The following MYH7B variants were observed in gnomAD, a reference collection of about 807,000 sequenced individuals.
MYH7B encodes myosin-7B.
MYH7B carries 205 observed loss-of-function variants against 234.5 expected under a neutral mutation model. The observed-to-expected ratio is 0.87, with a 90% confidence interval of 0.78 to 0.98. The LOEUF (loss-of-function observed/expected upper bound fraction) is 0.98. MYH7B is among the 50% of genes least tolerant of loss of function. MYH7B has a pLI of 0.00. For synonymous variants in MYH7B, 1,193 were observed against 1,105.0 expected, an observed-to-expected ratio of 1.08 and a Z score of -1.58; for missense variants, 2,652 against 2,633.4, an observed-to-expected ratio of 1.01 and a Z score of -0.15.
At chr20:35,002,152 C>T (rs756426127) in intron 44 of MYH7B, 25 bp from the exon 45 acceptor site, 2 of 1,593,372 alleles carry the variant, frequency 1.3e-6, no homozygotes, top group Non-Finnish European at 1.7e-6. Context: ...TAGTACTGCT[C>T]ACTCAGCTAT....
intron 24 of MYH7B, 67 bp downstream of exon 24, chr20:34,991,188 T>G (rs2082141857): frequency 1.8e-6 from 2 of 1,126,120 alleles, no homozygotes; most frequent in Admixed American, 2.2e-5. Context: ...AGGACACACA[T>G]ATCAGAGCCC....
intron 14 of MYH7B, 22 bp from the exon 15 acceptor site, chr20:34,986,864 C>T (rs921804092): frequency 6.9e-6 from 11 of 1,598,674 alleles, no homozygotes; most frequent in African/African-American, 2.7e-5. Context: ...CTGACCCTCC[C>T]TTCTCTGCCC....
At chr20:34,998,170 C>A in intron 32 of MYH7B, 125 bp from the exon 33 acceptor site, 1 of 1,166,466 alleles carries the variant, frequency 8.6e-7, no homozygotes, top group Non-Finnish European at 1.2e-6. Flanking sequence ...TGGGGCTCTG[C>A]TCTCCCTTTG....
At chr20:34,998,952 G>A in intron 35 of MYH7B, 37 bp downstream of exon 35, 4 of 1,597,978 alleles carry the variant, frequency 2.5e-6, no homozygotes, top group South Asian at 1.1e-5. Context: ...GCCATGCAGA[G>A]CTTTATGCCT....
exon 42 of MYH7B, chr20:35,001,301 T>G: frequency 6.2e-7 from 1 of 1,612,962 alleles, no homozygotes; most frequent in Non-Finnish European, 8.5e-7. Flanking sequence ...CCGAGGCCCT[T>G]AAGGGCGTGC....
At chr20:34,957,203 G>C (rs1312237641) in intron 1 of MYH7B, among the ~76,000 whole-genome samples, 1 of 152,224 alleles carries the variant, frequency 6.6e-6, no homozygotes, top group Non-Finnish European at 1.5e-5. Flanking sequence ...GGTAGCCTCA[G>C]ACGCCAGTTC....
chr20:34,980,636 C>T (rs2081927278), exon 8 of MYH7B: 2 of 1,614,196 alleles, frequency 1.2e-6, no homozygotes, highest in Non-Finnish European at 8.5e-7. Context: ...CCAGTCTATA[C>T]GGCCTCCGTA....
intron 2 of MYH7B, among the ~76,000 whole-genome samples, chr20:34,962,312 G>A (rs2081705562): frequency 6.6e-6 from 1 of 152,172 alleles, no homozygotes; most frequent in Admixed American, 6.6e-5. Context: ...AGATACCTAG[G>A]AGTGGAATTG....
chr20:34,963,957 A>T (rs936564151), intron 2 of MYH7B, among the ~76,000 whole-genome samples: 1 of 152,172 alleles, frequency 6.6e-6, no homozygotes, highest in Non-Finnish European at 1.5e-5. Flanking sequence ...ACTGCTCTAT[A>T]GGTTTCATTG....
exon 13 of MYH7B, chr20:34,985,097 C>T: frequency 1.2e-6 from 2 of 1,614,104 alleles, no homozygotes; most frequent in Admixed American, 1.7e-5. Context: ...TTTGGTCCCT[C>T]TGGGAAGCTG....
At chr20:34,969,367 A>G (rs1056595563) in intron 2 of MYH7B, among the ~76,000 whole-genome samples, 3 of 151,832 alleles carry the variant, frequency 2.0e-5, no homozygotes, top group South Asian at 2.1e-4. Flanking sequence ...TTTACAAGGG[A>G]AAAAAAATCA....
chr20:35,000,467 G>T lies in MYH7B; in HGVS notation c.4956G>T (p.Leu1652=), dbSNP rs1236265940. The change falls in exon 39 of 45, where the codon CTG becomes CTT. Residue 1652 remains leucine (L), a synonymous_variant. Coordinates refer to ENST00000262873, the Ensembl canonical transcript of MYH7B. ...CAGAGGCCCAGGCTGCCACGCGGCT[G>T]ATGCAGGCACAGCTCAAGGAGGAGC... 3 of 1,601,936 alleles carry T rather than the reference G, an allele frequency of 1.9e-6. No homozygotes were observed. The African/African-American group carries it at 4.0e-5, about 21-fold the overall frequency.
intron 19 of MYH7B, 136 bp from the exon 20 acceptor site, chr20:34,989,604 T>C: frequency 4.6e-6 from 4 of 870,422 alleles, no homozygotes; most frequent in Non-Finnish European, 6.9e-6. Flanking sequence ...GTGTGGTGTC[T>C]GACCATCCGG....
intron 10 of MYH7B, 120 bp from the exon 11 acceptor site, chr20:34,984,569 ATTC>A: frequency 1.2e-6 from 1 of 829,356 alleles, no homozygotes; most frequent in South Asian, 1.5e-5. Context: ...GGGGCCATGC[ATTC>A]CGGTGACTAA....
At chr20:35,000,933 T>C (rs773536305) in intron 40 of MYH7B, 40 bp downstream of exon 40, 24 of 1,611,100 alleles carry the variant, frequency 1.5e-5, no homozygotes, top group Admixed American at 5.0e-5. Context: ...TGGGACAGAA[T>C]TGCAGAGGGA....
chr20:34,990,016 G>A (rs1026729545), exon 21 of MYH7B: 18 of 1,613,964 alleles, frequency 1.1e-5, no homozygotes, highest in Non-Finnish European at 1.4e-5. Context: ...CTCTCCAGGT[G>A]CCTTACAGCA....
chr20:34,997,388 G>A lies in MYH7B; in HGVS notation c.3495G>A (p.Ala1165=), dbSNP rs765482947. ...TGGAGGAGGCAGGCGGCGCATCCGC[G>A]GGGCAGCGCGAGGGCTGCCGCAAGC... The change falls in exon 32 of 45, where the codon GCG becomes GCA. Residue 1165 remains alanine (A), a synonymous_variant. Coordinates refer to ENST00000262873, the Ensembl canonical transcript of MYH7B. 5.8e-5 allele frequency: 87 copies of A among 1,511,090 alleles called. No homozygotes were observed. Among genetic ancestry groups the A allele is most frequent in the Non-Finnish European group, 1.9e-5 (22 of 1,136,842 alleles). The allele number at this position is 1,511,090 out of a possible 1,614,324, so 93.6% of individuals were successfully genotyped here.
chr20:34,990,786 T>A (rs1569049489), exon 23 of MYH7B: 1 of 1,614,092 alleles, frequency 6.2e-7, no homozygotes. Flanking sequence ...ACAGCCCCAC[T>A]TCGTCCGCTG....
rs1449801668 is a variant in MYH7B, at chr20:35,002,168, TCTC to T, written c.5815-5_5815-3del. The T allele has an allele frequency of 6.4e-7, 1 of 1,574,466 alleles. No individual in the cohort carries two copies. Among genetic ancestry groups the T allele is most frequent in the African/African-American group, 1.3e-5 (1 of 74,422 alleles). The stretch of plus-strand genomic sequence containing the variant: ...AGTACTGCTCACTCAGCTATCCCTT[TCTC>T]CTCAGCACAAGGAGTGACGGCCTGA... On this transcript the variant is annotated splice_region_variant and splice_polypyrimidine_tract_variant and intron_variant, in intron 44 of 44. Transcript: ENST00000262873.
Sources: allele counts gnomAD v4.1 joint callset (sites outside exome capture counted in the v4.1 genomes callset), GRCh38; gene constraint gnomAD v4.1.1; transcripts MANE v1.5; gene names NCBI Gene and HGNC (gene_info 2026-07-23, HGNC 2026-07-21).